LRRC36: variants seen among roughly 807,000 people sequenced by gnomAD.
LRRC36 encodes the protein leucine-rich repeat-containing protein 36.
LRRC36 carries 62 observed loss-of-function variants against 81.1 expected under a neutral mutation model. The ratio of observed to expected loss-of-function variants is 0.76; its 90% CI spans 0.62 to 0.94. The LOEUF (loss-of-function observed/expected upper bound fraction) is 0.94, where lower values mean the gene tolerates loss of function less well. LRRC36 is among the 40% of genes least tolerant of loss of function. LRRC36 has a pLI of 0.00. For synonymous variants in LRRC36, 334 were observed against 348.6 expected, an observed-to-expected ratio of 0.96 and a Z score of 0.47; for missense variants, 761 against 881.7, an observed-to-expected ratio of 0.86 and a Z score of 1.73.
At chr16:67,378,834 A>C (rs1193656819) in intron 12 of LRRC36, 122 bp downstream of exon 12, 1 of 1,056,172 alleles carries the variant, frequency 9.5e-7, no homozygotes, top group Non-Finnish European at 1.4e-6. Context: ...CTTGGTCATC[A>C]GTTTTCCTGG....
chr16:67,374,132 A>G (rs1046747640), intron 9 of LRRC36, among the ~76,000 whole-genome samples: 2 of 151,574 alleles, frequency 1.3e-5, no homozygotes, highest in Admixed American at 1.3e-4. Flanking sequence ...GGAGTTCAAG[A>G]CTACAGTGTG....
chr16:67,353,899 C>T lies in LRRC36; in HGVS notation c.577+3609C>T, dbSNP rs568372202. Among the ~76,000 whole-genome samples the T allele has an allele frequency of 1.1e-3, 162 of 151,924 alleles. 1 individual carries two copies. The highest frequency in any genetic ancestry group is 1.9e-3 in the Non-Finnish European group (130 of 67,958). On this transcript the variant is annotated intron_variant, in intron 5 of 13. Coordinates refer to ENST00000329956, the MANE Select transcript of LRRC36 (RefSeq NM_018296.6). Reference sequence around the variant, plus strand: ...CATGATACTGCTTCACAGTCTCTTACTCCTTCAATTCATTTTGTACTTTGC... The same window carrying T: ...CATGATACTGCTTCACAGTCTCTTATTCCTTCAATTCATTTTGTACTTTGC...
intron 9 of LRRC36, among the ~76,000 whole-genome samples, chr16:67,374,538 GC>G (rs1471390414): frequency 1.3e-5 from 2 of 151,998 alleles, no homozygotes; most frequent in African/African-American, 2.4e-5. Flanking sequence ...GGGATTACAG[GC>G]TGCCCACCAT....
intron 13 of LRRC36, among the ~76,000 whole-genome samples, chr16:67,383,083 A>AAAAAAAAAAAAAAAAAAAT (rs2040173888): frequency 6.6e-6 from 1 of 150,576 alleles, no homozygotes; most frequent in South Asian, 2.1e-4. Context: ...AAAAAAAAAA[A>AAAAAAAAAAAAAAAAAAAT]AAAAAAAAAA....
At chr16:67,364,212 A>T (rs572857430) in intron 6 of LRRC36, among the ~76,000 whole-genome samples, 33 of 152,248 alleles carry the variant, frequency 2.2e-4, no homozygotes, top group Non-Finnish European at 4.4e-4. Flanking sequence ...ATGGGAAGAT[A>T]GAGATCATGC....
At chr16:67,384,681 T>C (rs1349574871) in intron 13 of LRRC36, among the ~76,000 whole-genome samples, 189 bp from the exon 14 acceptor site, 1 of 152,244 alleles carries the variant, frequency 6.6e-6, no homozygotes, top group Non-Finnish European at 1.5e-5. Flanking sequence ...GTCTGGAATA[T>C]AATCAAACAG....
chr16:67,343,477 C>T lies in LRRC36; in HGVS notation c.198+1393C>T, dbSNP rs899969269. On this transcript the variant is annotated intron_variant, in intron 2 of 13. Coordinates refer to ENST00000329956, the MANE Select transcript of LRRC36 (RefSeq NM_018296.6). Reference sequence around the variant, plus strand: ...TTTGGGAGGCCAAGGTGGGTGGATCCCGAAGTCAGGAGTTCGAGACCAGCT... The same window carrying T: ...TTTGGGAGGCCAAGGTGGGTGGATCTCGAAGTCAGGAGTTCGAGACCAGCT... 2.0e-5 allele frequency among the ~76,000 whole-genome samples: 3 copies of T among 151,780 alleles called. No individual in the cohort carries two copies. In the South Asian group the frequency reaches 6.3e-4, roughly 32 times the overall value.
intron 5 of LRRC36, among the ~76,000 whole-genome samples, chr16:67,359,688 TG>T (rs758513026): frequency 2.0e-5 from 3 of 152,218 alleles, no homozygotes; most frequent in Non-Finnish European, 4.4e-5. Flanking sequence ...CTGTACAACT[TG>T]GTAATTGAGA....
chr16:67,376,846 G>A lies in LRRC36; in HGVS notation c.1780G>A (p.Ala594Thr). The change falls in exon 11 of 14, where the codon GCT becomes ACT. Residue 594 changes from alanine to threonine, a missense_variant. Ala to Thr is a moderately conservative substitution (Grantham distance 58). This residue lies in a region of LRRC36 where 359 missense variants were observed against 388.4 expected (regional missense o/e 0.92). Transcript: ENST00000329956. ...FCRRELELKE[A>T]AQLVPNDMES... is the part of the protein sequence containing the mutation. ...CAGGAGGGAGCTTGAACTGAAGGAGGCTGCGCAGCTGGTCCCTAATGACAT... is the reference window on the plus strand; with the variant it reads ...CAGGAGGGAGCTTGAACTGAAGGAGACTGCGCAGCTGGTCCCTAATGACAT... The A allele has an allele frequency of 6.2e-7, 1 of 1,613,238 alleles. No homozygotes were observed. The highest frequency in any genetic ancestry group is 1.3e-5 in the African/African-American group (1 of 75,030).
chr16:67,375,352 G>A lies in LRRC36; in HGVS notation c.1600G>A (p.Glu534Lys). 6.2e-7 allele frequency: 1 copy of A among 1,610,688 alleles called. No individual in the cohort carries two copies. The highest frequency in any genetic ancestry group is 8.5e-7 in the Non-Finnish European group (1 of 1,179,182). ...HVATVLRQLL[E>K]LVDKHWNGSG... ...GGCCACTGTCCTCAGACAGCTCCTG[G>A]AGCTTGTGGATAAGCACTGGAATGG... is the stretch of plus-strand genomic sequence containing the variant. Residue 534 changes from glutamate (E) to lysine (K), a missense_variant, in exon 10 of 14, where the codon GAG becomes AAG. Glu to Lys is a moderately conservative substitution (Grantham distance 56, BLOSUM62 1). Around this residue, in one of 3 missense-constraint regions of LRRC36, gnomAD observed 359 missense variants for 388.4 expected, o/e 0.92. Transcript: ENST00000329956.
chr16:67,341,274 C>A (rs1477697366), intron 1 of LRRC36, among the ~76,000 whole-genome samples: 1 of 132,428 alleles, frequency 7.6e-6, no homozygotes, highest in African/African-American at 3.0e-5. Flanking sequence ...TATACTATAG[C>A]CTATCTATAG....
At chr16:67,333,649 A>G (rs1340447256) in intron 1 of LRRC36, among the ~76,000 whole-genome samples, 1 of 152,106 alleles carries the variant, frequency 6.6e-6, no homozygotes, top group Non-Finnish European at 1.5e-5. Context: ...ATCATATAAT[A>G]TGTAGCCTTT....
intron 1 of LRRC36, among the ~76,000 whole-genome samples, chr16:67,340,979 T>C (rs946641471): frequency 7.3e-6 from 1 of 137,186 alleles, no homozygotes; most frequent in East Asian, 2.2e-4. Context: ...CTATAGAATA[T>C]AGAATATGTA....
intron 2 of LRRC36, among the ~76,000 whole-genome samples, chr16:67,345,058 T>TCCTTA: frequency 6.6e-6 from 1 of 152,100 alleles, no homozygotes; most frequent in East Asian, 1.9e-4. Flanking sequence ...ATGCCTGTAA[T>TCCTTA]CCCAACACTT....
intron 5 of LRRC36, 55 bp downstream of exon 5, chr16:67,350,345 C>A: frequency 7.2e-7 from 1 of 1,380,018 alleles, no homozygotes; most frequent in Non-Finnish European, 1.0e-6. Flanking sequence ...ATCTCAGCTG[C>A]CATAGCCAAT....
chr16:67,378,519 C>G lies in LRRC36; in HGVS notation c.1807-70C>G, dbSNP rs975814305. ...CCTCCCAAAGTGCTAGGATTACAGG[C>G]GTGAGCCACGGCACCCAGCCTAGAA... On this transcript the variant is annotated intron_variant, in intron 11 of 13. Transcript: ENST00000329956. 3 of 1,478,076 alleles carry G rather than the reference C, an allele frequency of 2.0e-6. No individual in the cohort carries two copies. In the East Asian group the frequency reaches 7.1e-5, roughly 35 times the overall value. The allele number at this position is 1,478,076 out of a possible 1,614,324, so 91.6% of individuals were successfully genotyped here.
At chr16:67,365,617 A>G (rs2039349309) in intron 7 of LRRC36, among the ~76,000 whole-genome samples, 3 of 151,658 alleles carry the variant, frequency 2.0e-5, no homozygotes, top group Non-Finnish European at 4.4e-5. Flanking sequence ...CTTCTTTTGT[A>G]TTTATTATTT....
chr16:67,382,407 A>AT (rs1246416148), intron 13 of LRRC36, among the ~76,000 whole-genome samples, 160 bp downstream of exon 13: 1 of 152,224 alleles, frequency 6.6e-6, no homozygotes, highest in Non-Finnish European at 1.5e-5. Flanking sequence ...GATTATAAAA[A>AT]TTACTGCTTC....
chr16:67,374,789 T>A (rs1212555819), intron 9 of LRRC36, among the ~76,000 whole-genome samples: 1 of 152,156 alleles, frequency 6.6e-6, no homozygotes, highest in Non-Finnish European at 1.5e-5. Flanking sequence ...ATAAATAATA[T>A]TATGCTACTC....
Sources: gnomAD v4.1 joint callset for allele counts (sites outside exome capture counted in the v4.1 genomes callset) on GRCh38, gnomAD v4.1.1 for gene constraint, gnomAD v4.1.1 regional missense constraint, MANE v1.5 for transcripts, NCBI Gene and HGNC (gene_info 2026-07-23, HGNC 2026-07-21) for gene names.